Variants in SGMS1 observed in about 807,000 individuals in gnomAD.
SGMS1 encodes the protein phosphatidylcholine:ceramide cholinephosphotransferase 1.
In SGMS1, 13 loss-of-function variants were observed where a neutral mutation model predicts 46.2. The ratio of observed to expected loss-of-function variants is 0.28; its 90% CI spans 0.18 to 0.45. SGMS1 has a LOEUF of 0.45. Among genes scored for constraint, SGMS1 ranks in the 20% least tolerant of loss-of-function variants. SGMS1 has a pLI of 1.00. For missense variants in SGMS1, 324 were observed against 519.9 expected (o/e 0.62, Z 3.66); for synonymous variants, 203 against 187.8 (o/e 1.08, Z -0.66).
chr10:50,400,875 A>G (rs1330639804), intron 6 of SGMS1, among the ~76,000 whole-genome samples: 2 of 152,164 alleles, frequency 1.3e-5, no homozygotes, highest in Non-Finnish European at 1.5e-5. Context: ...CAATTTCCCA[A>G]TAGACCACAT....
intron 6 of SGMS1, among the ~76,000 whole-genome samples, chr10:50,421,234 G>A (rs1372243689): frequency 2.0e-5 from 3 of 152,140 alleles, no homozygotes; most frequent in South Asian, 4.1e-4. Flanking sequence ...CTGCAACCCC[G>A]ATCTTAAAAA....
intron 6 of SGMS1, among the ~76,000 whole-genome samples, chr10:50,395,971 T>C (rs185644705): frequency 3.3e-5 from 5 of 152,312 alleles, no homozygotes; most frequent in African/African-American, 9.6e-5. Context: ...GGTGGGTATG[T>C]ATACTGCTGA....
At chr10:50,347,182 T>C (rs895183636) in intron 6 of SGMS1, among the ~76,000 whole-genome samples, 3 of 152,146 alleles carry the variant, frequency 2.0e-5, no homozygotes, top group African/African-American at 7.2e-5. Flanking sequence ...GAATGTGAAG[T>C]AGCTACAATG....
At chr10:50,618,861 G>T (rs931453419) in intron 1 of SGMS1, among the ~76,000 whole-genome samples, 5 of 152,142 alleles carry the variant, frequency 3.3e-5, no homozygotes, top group Admixed American at 2.0e-4. Flanking sequence ...ACAGTTCAGG[G>T]TTTCTGATTC....
chr10:50,553,284 A>G (rs1251444720), intron 2 of SGMS1, among the ~76,000 whole-genome samples: 4 of 152,180 alleles, frequency 2.6e-5, no homozygotes, highest in African/African-American at 7.2e-5. Flanking sequence ...TCCCAGCTTT[A>G]ACATTTATTA....
intron 3 of SGMS1, among the ~76,000 whole-genome samples, chr10:50,512,382 C>T (rs944753417): frequency 6.6e-6 from 1 of 152,200 alleles, no homozygotes; most frequent in East Asian, 1.9e-4. Flanking sequence ...TTTATATGGA[C>T]ATTTGCCAAG....
At chr10:50,350,933 G>A (rs1848000809) in intron 6 of SGMS1, among the ~76,000 whole-genome samples, 1 of 152,116 alleles carries the variant, frequency 6.6e-6, no homozygotes, top group Non-Finnish European at 1.5e-5. Flanking sequence ...TGAAAAGAGG[G>A]CCACCATCCT....
At chr10:50,598,000 G>T (rs1838611639) in intron 1 of SGMS1, among the ~76,000 whole-genome samples, 1 of 141,492 alleles carries the variant, frequency 7.1e-6, no homozygotes, top group South Asian at 2.2e-4. Flanking sequence ...CAACAAGAGT[G>T]AAACTCCGTC....
At chr10:50,623,590 C>A in intron 1 of SGMS1, 117 bp downstream of exon 1, 1 of 985,356 alleles carries the variant, frequency 1.0e-6, no homozygotes, top group Non-Finnish European at 1.2e-6. Context: ...CTCACGCCCC[C>A]TCGCCCCAGA....
At chr10:50,583,444 C>A (rs1838453729) in intron 2 of SGMS1, among the ~76,000 whole-genome samples, 1 of 152,180 alleles carries the variant, frequency 6.6e-6, no homozygotes, top group African/African-American at 2.4e-5. Flanking sequence ...GATGTGCTGA[C>A]CTCAGGCCCT....
intron 1 of SGMS1, among the ~76,000 whole-genome samples, chr10:50,608,433 G>C (rs1034894722): frequency 6.6e-6 from 1 of 152,032 alleles, no homozygotes; most frequent in South Asian, 2.1e-4. Flanking sequence ...TGGCTAAAAG[G>C]CTAGTGCAGA....
At chr10:50,460,477 AAG>A (rs1417903340) in intron 5 of SGMS1, among the ~76,000 whole-genome samples, 194 bp downstream of exon 5, 1 of 152,218 alleles carries the variant, frequency 6.6e-6, no homozygotes, top group African/African-American at 2.4e-5. Flanking sequence ...GAGTTCATCA[AAG>A]AGTGACGAGT....
intron 6 of SGMS1, among the ~76,000 whole-genome samples, chr10:50,396,466 A>C (rs565043255): frequency 2.6e-5 from 4 of 152,210 alleles, no homozygotes; most frequent in African/African-American, 9.6e-5. Context: ...AAAATTCAGG[A>C]CCGTGGAAGG....
At position 50,495,995 on chromosome 10, in the gene SGMS1, T is replaced by C. The variant is rs543511522; in HGVS notation, c.-498+23836A>G. On this transcript the variant is annotated intron_variant, in intron 3 of 10. Coordinates refer to ENST00000361781, the MANE Select transcript of SGMS1 (RefSeq NM_147156.4). ...GTATTTCCTTTTTTTAATTAAAAAATGAACAATTTTTTAAAAATAAAACAG... is the reference window on the plus strand; with the variant it reads ...GTATTTCCTTTTTTTAATTAAAAAACGAACAATTTTTTAAAAATAAAACAG... Among the ~76,000 whole-genome samples the C allele has an allele frequency of 4.6e-5, 7 of 152,266 alleles. No homozygotes were observed. In the South Asian group the frequency reaches 8.3e-4, roughly 18 times the overall value.
intron 2 of SGMS1, among the ~76,000 whole-genome samples, chr10:50,560,569 T>C (rs1174206761): frequency 1.4e-5 from 2 of 145,848 alleles, no homozygotes; most frequent in African/African-American, 5.0e-5. Flanking sequence ...ATATGACATA[T>C]ATACATAATA....
chr10:50,592,613 C>T (rs1435055364), intron 1 of SGMS1, among the ~76,000 whole-genome samples: 1 of 152,164 alleles, frequency 6.6e-6, no homozygotes, highest in Admixed American at 6.5e-5. Context: ...CACCACAGAT[C>T]CCGGCGCAAG....
At chr10:50,529,578 A>G (rs930466668) in intron 2 of SGMS1, among the ~76,000 whole-genome samples, 3 of 152,202 alleles carry the variant, frequency 2.0e-5, no homozygotes, top group Non-Finnish European at 4.4e-5. Flanking sequence ...CTTTTTTTGA[A>G]TGAGTACATC....
chr10:50,420,558 T>C (rs1299617738), intron 6 of SGMS1, among the ~76,000 whole-genome samples: 1 of 152,256 alleles, frequency 6.6e-6, no homozygotes, highest in African/African-American at 2.4e-5. Context: ...CACAATTTGC[T>C]TTACGGGCAG....
intron 6 of SGMS1, among the ~76,000 whole-genome samples, chr10:50,369,487 G>C (rs1381627892): frequency 6.6e-6 from 1 of 151,714 alleles, no homozygotes; most frequent in Non-Finnish European, 1.5e-5. Flanking sequence ...GACAGAGTGA[G>C]ACTCTGTCTG....
Sources: allele counts gnomAD v4.1 joint callset (sites outside exome capture counted in the v4.1 genomes callset), GRCh38; gene constraint gnomAD v4.1.1; transcripts MANE v1.5; gene names NCBI Gene and HGNC (gene_info 2026-07-23, HGNC 2026-07-21).